Variants in VAV2 observed in about 807,000 individuals in gnomAD.
VAV2 encodes guanine nucleotide exchange factor VAV2.
VAV2 carries 67 observed loss-of-function variants against 132.5 expected under a neutral mutation model. The observed-to-expected ratio is 0.51, with a 90% CI of 0.42 to 0.62. The LOEUF is 0.62. Among genes scored for constraint, VAV2 ranks in the 20% least tolerant of loss-of-function variants. VAV2 has a pLI of 0.00. For missense variants in VAV2, 938 were observed against 1,153.6 expected, an observed-to-expected ratio of 0.81 and a Z score of 2.71; for synonymous variants, 492 against 443.5, an observed-to-expected ratio of 1.11 and a Z score of -1.37.
At chr9:133,861,844 A>G (rs189552224) in intron 2 of VAV2, among the ~76,000 whole-genome samples, 224 of 152,340 alleles carry the variant, frequency 1.5e-3, no homozygotes, top group African/African-American at 5.1e-3. Flanking sequence ...GTGCCAACAC[A>G]TTTCAGAGAT....
intron 1 of VAV2, among the ~76,000 whole-genome samples, chr9:133,948,103 T>C (rs1287508267): frequency 1.3e-5 from 2 of 152,146 alleles, no homozygotes; most frequent in African/African-American, 4.8e-5. Context: ...CACTGAGCCC[T>C]TAAAGAGAGG....
chr9:133,856,165 G>C (rs1221206034), intron 3 of VAV2, among the ~76,000 whole-genome samples: 3 of 152,328 alleles, frequency 2.0e-5, no homozygotes, highest in East Asian at 3.9e-4. Flanking sequence ...CATGGCGACC[G>C]GTTTCTTCCT....
At position 133,771,935 on chromosome 9, in the gene VAV2, C is replaced by A. The variant is rs373500982; in HGVS notation, c.2223+24G>T. 5.0e-6 allele frequency: 8 copies of A among 1,611,680 alleles called. No individual in the cohort carries two copies. In the South Asian group the frequency reaches 8.8e-5, roughly 18 times the overall value. On this transcript the variant is annotated intron_variant, in intron 26 of 29. Transcript: ENST00000371850. ...TGTCCCCTGTGGCTGGGGTGGGAGC[C>A]GGCCGGAGCCAGAAGTCACCTACCA... is the stretch of plus-strand genomic sequence containing the variant.
At chr9:133,939,370 G>C in intron 1 of VAV2, 151 bp from the exon 2 acceptor site, 1 of 735,096 alleles carries the variant, frequency 1.4e-6, no homozygotes, top group Non-Finnish European at 2.3e-6. Context: ...AATGGGCTCA[G>C]AGAGATGACG....
chr9:133,920,884 A>G (rs556486557), intron 2 of VAV2, among the ~76,000 whole-genome samples: 12 of 152,264 alleles, frequency 7.9e-5, no homozygotes, highest in African/African-American at 2.9e-4. Flanking sequence ...AACATCCCCA[A>G]AAGTCTAACT....
At chr9:133,785,992 A>G (rs746732832) in intron 16 of VAV2, 107 bp from the exon 17 acceptor site, 3 of 956,522 alleles carry the variant, frequency 3.1e-6, no homozygotes, top group South Asian at 2.8e-5. Flanking sequence ...GTGTATATGC[A>G]TATGTGCACA....
chr9:133,906,264 T>C (rs1839649550), intron 2 of VAV2, among the ~76,000 whole-genome samples: 1 of 152,160 alleles, frequency 6.6e-6, no homozygotes, highest in Non-Finnish European at 1.5e-5. Context: ...CCCAAGACAG[T>C]GATGGAAACG....
rs1838686363 is a variant in VAV2, at chr9:133,885,936, C to CTTAA, written c.322-24505_322-24504insTTAA. Among the ~76,000 whole-genome samples, 1 of 152,194 alleles carries CTTAA rather than the reference C, an allele frequency of 6.6e-6. No homozygotes were observed. The highest frequency in any genetic ancestry group is 2.4e-5 in the African/African-American group (1 of 41,442). ...AGTTCTCAGCTACCTACAAACTCAC[C>CTTAA]ATTAAGGGGACTATGCTAGACAACC... On this transcript the variant is annotated intron_variant, in intron 2 of 29. Transcript: ENST00000371850. This position sits in a 1 kb window ranked among gnomAD's most constrained non-coding sequence, Gnocchi z 5.0.
chr9:133,966,470 C>A (rs1842143666), intron 1 of VAV2, among the ~76,000 whole-genome samples: 1 of 152,248 alleles, frequency 6.6e-6, no homozygotes, highest in Non-Finnish European at 1.5e-5. Flanking sequence ...CTTTGAGAGG[C>A]CGAGGCGGGA....
At chr9:133,985,946 G>A (rs1198903264) in intron 1 of VAV2, among the ~76,000 whole-genome samples, 2 of 151,960 alleles carry the variant, frequency 1.3e-5, no homozygotes, top group Non-Finnish European at 2.9e-5. Flanking sequence ...AATGAGGGAG[G>A]GAGAGAGGGA....
intron 1 of VAV2, among the ~76,000 whole-genome samples, chr9:133,971,465 A>G (rs1165871327): frequency 6.6e-6 from 1 of 152,090 alleles, no homozygotes; most frequent in African/African-American, 2.4e-5. Flanking sequence ...ACACACACAG[A>G]GGGGCAGCCC....
At chr9:133,908,029 G>A (rs1839735963) in intron 2 of VAV2, among the ~76,000 whole-genome samples, 1 of 133,494 alleles carries the variant, frequency 7.5e-6, no homozygotes, top group Non-Finnish European at 1.6e-5. Flanking sequence ...GTGGAGGGAG[G>A]GTCTGAAGGC....
Position 133,992,190 on chromosome 9 carries a change from ACCACGGCCGAGGG to A in VAV2, c.76_88del (p.Pro26SerfsTer43), listed in dbSNP as rs1191239759. 1.3e-6 allele frequency: 2 copies of A among 1,597,764 alleles called. No homozygotes were observed. Among genetic ancestry groups the A allele is most frequent in the Non-Finnish European group, 1.7e-6 (2 of 1,172,458 alleles). On this transcript the variant is annotated frameshift_variant, in exon 1 of 30. Coordinates refer to ENST00000371850, the MANE Select transcript of VAV2 (RefSeq NM_001134398.2). LOFTEE classifies it high-confidence loss of function. The surrounding 1 kb of genome is among the most constrained non-coding windows in gnomAD (Gnocchi z 5.5). Reference sequence around the variant, plus strand: ...GCGCAGCGCCTGCGCCAGGTCGAAGACCACGGCCGAGGGCCACACCACCCGGTGGTTGGGCGGC... The same window carrying A: ...GCGCAGCGCCTGCGCCAGGTCGAAGACCACACCACCCGGTGGTTGGGCGGC...
At chr9:133,775,890 T>C in intron 24 of VAV2, 138 bp downstream of exon 24, 1 of 1,184,852 alleles carries the variant, frequency 8.4e-7, no homozygotes, top group Non-Finnish European at 1.1e-6. Flanking sequence ...CTGGGCTCAG[T>C]GCCCTGGAGA....
At chr9:133,778,342 C>A (rs532558816) in intron 22 of VAV2, among the ~76,000 whole-genome samples, 2 of 152,024 alleles carry the variant, frequency 1.3e-5, no homozygotes, top group African/African-American at 4.8e-5. Flanking sequence ...CACGATCATG[C>A]GAAGGTTGCT....
rs146994870 is a variant in VAV2 at position 133,768,543 on chromosome 9, G to A, written c.2488C>T (p.Arg830Ter). ...TAVARYNFAA[R>*]DMRELSLREG... The stretch of plus-strand genomic sequence containing the variant: ...CGCAGCGAAAGCTCCCTCATATCTC[G>A]GGCGGCAAAGTTATACCTGGCCACA... Residue 830 changes from arginine to a stop codon, truncating the protein, a stop_gained, in exon 29 of 30, where the codon CGA becomes TGA. Transcript: ENST00000371850. LOFTEE classifies it high-confidence loss of function. This position sits in a 1 kb window ranked among gnomAD's most constrained non-coding sequence, Gnocchi z 5.3. 9.3e-6 allele frequency: 15 copies of A among 1,613,858 alleles called. No individual in the cohort carries two copies. In the African/African-American group the frequency reaches 9.3e-5, roughly 10 times the overall value.
Position 133,856,002 on chromosome 9 carries a change from A to G in VAV2, c.380+5372T>C, listed in dbSNP as rs12554288. ...AAGAGGAATGACGCAATGACCGGCT[A>G]CGGCTGGGTGAACCTTGAAAACAAG... On this transcript the variant is annotated intron_variant, in intron 3 of 29. Transcript: ENST00000371850. Among the ~76,000 whole-genome samples the G allele has an allele frequency of 8.3e-3, 1,262 of 152,364 alleles. 35 individuals are homozygous for G. The highest frequency in any genetic ancestry group is 0.053 in the Admixed American group (808 of 15,310).
In VAV2 at chr9:133,883,249, C is replaced by G. The variant is rs965259828; in HGVS notation, c.322-21817G>C. Among the ~76,000 whole-genome samples the G allele has an allele frequency of 6.6e-6, 1 of 152,206 alleles. No homozygotes were observed. The highest frequency in any genetic ancestry group is 6.5e-5 in the Admixed American group (1 of 15,274). On this transcript the variant is annotated intron_variant, in intron 2 of 29. Coordinates refer to ENST00000371850, the MANE Select transcript of VAV2 (RefSeq NM_001134398.2). This position sits in a 1 kb window ranked among gnomAD's most constrained non-coding sequence, Gnocchi z 4.2. ...CTCATTTCACGTTCCCCTAATCATG[C>G]GAAGAGCCCTGGTAATTGACAACGA...
At chr9:133,782,466 A>G (rs1364033760) in intron 19 of VAV2, among the ~76,000 whole-genome samples, 3 of 152,178 alleles carry the variant, frequency 2.0e-5, no homozygotes, top group Non-Finnish European at 4.4e-5. Flanking sequence ...TGGGCCTGTG[A>G]TGGGGACAAG....
Sources: allele counts gnomAD v4.1 joint callset (sites outside exome capture counted in the v4.1 genomes callset), GRCh38; gene constraint gnomAD v4.1.1; non-coding constraint Gnocchi (gnomAD v3.1); transcripts MANE v1.5; gene names NCBI Gene and HGNC (gene_info 2026-07-23, HGNC 2026-07-21).